NPIPB2: variants seen among roughly 807,000 people sequenced by gnomAD.
The protein encoded by NPIPB2 is nuclear pore complex-interacting protein family member B2.
NPIPB2 carries 27 observed loss-of-function variants against 30.8 expected under a neutral mutation model. That is an observed-to-expected ratio of 0.88 (90% CI 0.65 to 1.21). NPIPB2 has a LOEUF of 1.21. NPIPB2 is among the 50% of genes most tolerant of loss of function. The probability of loss-of-function intolerance (pLI) is 0.00; values close to 1 mark genes in which losing one functional copy is unlikely to be tolerated. For missense variants in NPIPB2, 440 were observed against 446.2 expected (o/e 0.99, Z 0.13); for synonymous variants, 147 against 162.0 (o/e 0.91, Z 0.70).
intron 1 of NPIPB2, among the ~76,000 whole-genome samples, chr16:11,960,023 C>T (rs2055142227): frequency 6.6e-6 from 1 of 152,324 alleles, no homozygotes; most frequent in Admixed American, 6.5e-5. Context: ...GATCCTTCTA[C>T]CTCAGCCTAC....
At chr16:11,942,701 C>G (rs1368261680), upstream of NPIPB2, among the ~76,000 whole-genome samples, 1 of 151,352 alleles carries the variant, frequency 6.6e-6, no homozygotes, top group Non-Finnish European at 1.5e-5. Context: ...ACCCAGAGGG[C>G]TTGGCAGCAT....
chr16:11,959,157 T>C (rs2055136361), intron 1 of NPIPB2, among the ~76,000 whole-genome samples: 1 of 152,172 alleles, frequency 6.6e-6, no homozygotes, highest in Non-Finnish European at 1.5e-5. Flanking sequence ...AAGTGAAGCT[T>C]GAGGCTGGTG....
At chr16:11,946,900 A>G (rs1275973657), upstream of NPIPB2, among the ~76,000 whole-genome samples, 1 of 151,688 alleles carries the variant, frequency 6.6e-6, no homozygotes, top group Non-Finnish European at 1.5e-5. Flanking sequence ...TTGTATTTTT[A>G]GTAGAGATGG....
At chr16:11,951,745 AG>A (rs2055067740) in intron 1 of NPIPB2, among the ~76,000 whole-genome samples, 1 of 151,534 alleles carries the variant, frequency 6.6e-6, no homozygotes. Context: ...CCCCTGGAGT[AG>A]GCCAGGTGCG....
chr16:11,958,283 G>A (rs971474769), intron 1 of NPIPB2, among the ~76,000 whole-genome samples: 1 of 151,906 alleles, frequency 6.6e-6, no homozygotes, highest in Admixed American at 6.6e-5. Flanking sequence ...AAATTAAGCT[G>A]GGCGTGGTGG....
chr16:11,934,087 C>T (rs1239777802), intron 2 of NPIPB2, among the ~76,000 whole-genome samples, 163 bp from the exon 3 acceptor site: 11 of 151,466 alleles, frequency 7.3e-5, no homozygotes, highest in Middle Eastern at 3.4e-3. Context: ...AAAAATTAGC[C>T]GGGCATGGCA....
At position 11,933,732 on chromosome 16, in the gene NPIPB2, G is replaced by A. The variant is rs1660543913; in HGVS notation, c.293-20C>T. On this transcript the variant is annotated intron_variant, in intron 3 of 7. Coordinates refer to ENST00000399147, the Ensembl canonical transcript of NPIPB2. ...TCAGCCCTTGGTGAGAGTGAGGAGAGGAGAAGGTGAGAAACCTGAGGGCAA... is the reference window on the plus strand; with the variant it reads ...TCAGCCCTTGGTGAGAGTGAGGAGAAGAGAAGGTGAGAAACCTGAGGGCAA... 3.1e-6 allele frequency: 5 copies of A among 1,596,800 alleles called. No homozygotes were observed. The highest frequency in any genetic ancestry group is 4.2e-6 in the Non-Finnish European group (5 of 1,179,132).
Position 11,927,806 on chromosome 16 carries a change from A to C in NPIPB2, c.761T>G (p.Leu254Ter). The C allele has an allele frequency of 6.6e-7, 1 of 1,515,504 alleles. No individual in the cohort carries two copies. Among genetic ancestry groups the C allele is most frequent in the Non-Finnish European group, 8.9e-7 (1 of 1,126,406 alleles). The allele number at this position is 1,515,504 out of a possible 1,614,324, so 93.9% of individuals were successfully genotyped here. A position where few individuals can be genotyped will look rare whatever the true frequency, so the allele number is the denominator to read the frequency against. ...TGGCTGGTGGCCCATCCTGTTTTTTAAAGTTTCAGCTGTGAGGTAGGGCCA... is the reference window on the plus strand; with the variant it reads ...TGGCTGGTGGCCCATCCTGTTTTTTCAAGTTTCAGCTGTGAGGTAGGGCCA... The change falls in exon 8 of 8, where the codon TTA becomes TGA. Residue 254 changes from leucine to a stop codon, truncating the protein, a stop_gained. Transcript: ENST00000399147. LOFTEE classifies it low-confidence loss of function (END_TRUNC).
chr16:11,952,397 G>T (rs1388453962), intron 1 of NPIPB2, among the ~76,000 whole-genome samples: 1 of 151,858 alleles, frequency 6.6e-6, no homozygotes, highest in Non-Finnish European at 1.5e-5. Context: ...GGAGTCAACA[G>T]TCTATCTTAG....
chr16:11,947,325 T>TTTATATAG (rs58238122), intron 1 of NPIPB2, among the ~76,000 whole-genome samples: 1 of 134,902 alleles, frequency 7.4e-6, no homozygotes, highest in East Asian at 2.0e-4. Context: ...TATTTATTTA[T>TTTATATAG]ATATATATAT....
upstream of NPIPB2, chr16:11,942,137 C>T (rs1016842706): frequency 5.6e-4 from 862 of 1,532,182 alleles, 8 homozygotes; most frequent in Non-Finnish European, 7.1e-4. Context: ...AACAAATGTA[C>T]GTACATTCAT....
At chr16:11,959,138 G>C (rs2055136293) in intron 1 of NPIPB2, among the ~76,000 whole-genome samples, 1 of 152,190 alleles carries the variant, frequency 6.6e-6, no homozygotes, top group Non-Finnish European at 1.5e-5. Context: ...CCTTAGAGCT[G>C]TGAGTGACAA....
In NPIPB2 at chr16:11,940,509, C is replaced by T. The variant is rs1023456362; in HGVS notation, c.63+1474G>A. ...TAATCCCAGCACTGGGAGGCTGAGG[C>T]AGGCGGATCACGAGGTCAAGAGATG... On this transcript the variant is annotated intron_variant, in intron 1 of 7. Transcript: ENST00000399147. Among the ~76,000 whole-genome samples the T allele has an allele frequency of 5.1e-3, 773 of 150,320 alleles. 3 individuals carry two copies. The highest frequency in any genetic ancestry group is 0.018 in the African/African-American group (726 of 40,790).
At chr16:11,943,386 A>G (rs572789481), upstream of NPIPB2, among the ~76,000 whole-genome samples, 1 of 152,016 alleles carries the variant, frequency 6.6e-6, no homozygotes, top group Non-Finnish European at 1.5e-5. Flanking sequence ...ATTCAATTCT[A>G]TTTGTATGCT....
chr16:11,956,402 G>A (rs542731012), intron 1 of NPIPB2, among the ~76,000 whole-genome samples: 1 of 152,204 alleles, frequency 6.6e-6, no homozygotes, highest in Non-Finnish European at 1.5e-5. Context: ...CTTGCCGGGA[G>A]CAGTGGCTCA....
exon 8 of NPIPB2, chr16:11,927,494 G>A (rs757220118): frequency 4.1e-6 from 6 of 1,478,428 alleles, no homozygotes; most frequent in Non-Finnish European, 2.8e-6. Flanking sequence ...TTCCACCTCA[G>A]CGGCCCTCCG....
At chr16:11,952,386 T>C (rs1282769177) in intron 1 of NPIPB2, among the ~76,000 whole-genome samples, 1 of 151,692 alleles carries the variant, frequency 6.6e-6, no homozygotes, top group Non-Finnish European at 1.5e-5. Flanking sequence ...AAGAAACCCC[T>C]GGAGTCAACA....
At position 11,967,601 on chromosome 16, in the gene NPIPB2, C is replaced by T. The variant is rs201708971; in HGVS notation, c.-584+8967G>A. ...GTCTCCTGGGCATGGCTAACATTGA[C>T]CTGGAAAAGAGCAGGACTGGTGATG... On this transcript the variant is annotated intron_variant, in intron 1 of 5. Transcript: ENST00000538896. The T allele has an allele frequency of 5.0e-6, 8 of 1,613,864 alleles. No homozygotes were observed. In the South Asian group the frequency reaches 7.7e-5, roughly 16 times the overall value.
intron 1 of NPIPB2, among the ~76,000 whole-genome samples, chr16:11,975,802 G>A (rs1221310140): frequency 6.6e-6 from 1 of 151,924 alleles, no homozygotes; most frequent in Non-Finnish European, 1.5e-5. Flanking sequence ...TGTTGGCCAG[G>A]CTGGAATCGA....
Sources: gnomAD v4.1 joint callset for allele counts (sites outside exome capture counted in the v4.1 genomes callset) on GRCh38, gnomAD v4.1.1 for gene constraint, MANE v1.5 for transcripts, NCBI Gene and HGNC (gene_info 2026-07-23, HGNC 2026-07-21) for gene names.